Variants in FKBP5 observed in about 807,000 individuals in gnomAD.
FKBP5 encodes peptidyl-prolyl cis-trans isomerase FKBP5.
A neutral mutation model predicts 50.5 loss-of-function variants in FKBP5; 23 were observed. That is an observed-to-expected ratio of 0.46 (90% CI 0.33 to 0.65). The LOEUF is 0.65. Among genes scored for constraint, FKBP5 ranks in the 30% least tolerant of loss-of-function variants. FKBP5 has a pLI of 0.02. For synonymous variants in FKBP5, 176 were observed against 190.6 expected (o/e 0.92, Z 0.63); for missense variants, 411 against 553.1 (o/e 0.74, Z 2.58).
At chr6:35,593,773 G>A (rs148036652) in intron 6 of FKBP5, among the ~76,000 whole-genome samples, 1,887 of 151,534 alleles carry the variant, frequency 0.012, 33 homozygotes, top group African/African-American at 0.038. Context: ...CAGGCTGGTC[G>A]CGAACTCCTG....
At chr6:35,632,225 T>C (rs1764182117) in intron 3 of FKBP5, among the ~76,000 whole-genome samples, 1 of 152,236 alleles carries the variant, frequency 6.6e-6, no homozygotes, top group Non-Finnish European at 1.5e-5. Flanking sequence ...TTCTGTAACA[T>C]ATTCCACAGT....
At chr6:35,606,704 A>C (rs1763333557) in intron 5 of FKBP5, among the ~76,000 whole-genome samples, 1 of 150,202 alleles carries the variant, frequency 6.7e-6, no homozygotes, top group African/African-American at 2.4e-5. Flanking sequence ...AAAGTCAAAA[A>C]AGAACAGATG....
intron 2 of FKBP5, among the ~76,000 whole-genome samples, chr6:35,710,303 C>T (rs146433130): frequency 6.6e-6 from 1 of 152,126 alleles, no homozygotes; most frequent in East Asian, 1.9e-4. Context: ...ACATAGGAAA[C>T]CCAGTCTCTA....
intron 2 of FKBP5, among the ~76,000 whole-genome samples, chr6:35,710,502 A>G (rs528911398): frequency 1.3e-5 from 2 of 152,162 alleles, no homozygotes; most frequent in Non-Finnish European, 2.9e-5. Context: ...AAAGCCAATG[A>G]TACCAAGAGC....
chr6:35,690,144 C>T (rs1255872770), upstream of FKBP5, among the ~76,000 whole-genome samples: 1 of 152,212 alleles, frequency 6.6e-6, no homozygotes, highest in African/African-American at 2.4e-5. Context: ...TGAAGAGCCT[C>T]GTCCAGAAAT....
chr6:35,619,812 C>T (rs1763776768), intron 4 of FKBP5, among the ~76,000 whole-genome samples: 2 of 152,112 alleles, frequency 1.3e-5, no homozygotes, highest in Admixed American at 1.3e-4. Context: ...CAACATTTAT[C>T]GCCAACATTT....
rs1481567340 is a variant in FKBP5 at position 35,674,068 on chromosome 6, C to CT, written c.-20+14735dup. On this transcript the variant is annotated intron_variant, in intron 1 of 10. Transcript: ENST00000357266. ...CTCTCTGGTCCTTTCCACCTTATGG[C>CT]TTGATGATTTAGGATCTAGACTGGG... Among the ~76,000 whole-genome samples the CT allele has an allele frequency of 8.5e-5, 13 of 152,216 alleles. No individual in the cohort carries two copies. The South Asian group carries it at 2.7e-3, about 32-fold the overall frequency.
intron 8 of FKBP5, chr6:35,582,117 C>A: frequency 2.0e-6 from 2 of 985,336 alleles, no homozygotes; most frequent in Non-Finnish European, 2.4e-6. Context: ...GAATGAGGGC[C>A]AGGCTACATC....
At chr6:35,709,201 G>A (rs1766373158) in intron 2 of FKBP5, among the ~76,000 whole-genome samples, 1 of 152,164 alleles carries the variant, frequency 6.6e-6, no homozygotes, top group African/African-American at 2.4e-5. Flanking sequence ...ATTGGCAGGC[G>A]AAGAGTGCTT....
intron 6 of FKBP5, among the ~76,000 whole-genome samples, chr6:35,593,697 G>A (rs776996522): frequency 1.3e-4 from 20 of 152,090 alleles, no homozygotes; most frequent in Non-Finnish European, 1.5e-5. Context: ...CGGAATTACA[G>A]GCATGCACCA....
At chr6:35,645,446 AAGAG>A (rs1207978272) in intron 1 of FKBP5, among the ~76,000 whole-genome samples, 1 of 152,146 alleles carries the variant, frequency 6.6e-6, no homozygotes, top group Non-Finnish European at 1.5e-5. Flanking sequence ...AAGATAAAAA[AAGAG>A]AGAGAAAGAG....
rs527906930 is a variant in FKBP5 at position 35,706,332 on chromosome 6, G to A, written c.-20+13996C>T. The stretch of plus-strand genomic sequence containing the variant: ...CCAGCTAATCCGGAGGCTGAGGCAG[G>A]AGAATCACTTGAACCTAGGAGGCGG... On this transcript the variant is annotated intron_variant, in intron 2 of 11. Coordinates refer to the FKBP5 transcript ENST00000536438. Among the ~76,000 whole-genome samples the A allele has an allele frequency of 5.3e-5, 8 of 150,622 alleles. No homozygotes were observed. In the South Asian group the frequency reaches 1.7e-3, roughly 31 times the overall value.
At chr6:35,653,106 A>G (rs1204202285) in intron 1 of FKBP5, among the ~76,000 whole-genome samples, 1 of 152,194 alleles carries the variant, frequency 6.6e-6, no homozygotes, top group South Asian at 2.1e-4. Context: ...CAAGCCTGCA[A>G]TCCCCACACC....
Position 35,620,157 on chromosome 6 carries a change from G to A in FKBP5, c.368C>T (p.Pro123Leu). The A allele has an allele frequency of 6.2e-7, 1 of 1,614,066 alleles. No homozygotes were observed. Among genetic ancestry groups the A allele is most frequent in the Non-Finnish European group, 8.5e-7 (1 of 1,179,996 alleles). ...YGSAGSLPKI[P>L]SNATLFFEIE... ...CTCAAAAAAGAGAGTTGCATTCGAG[G>A]GAATTTTAGGGAGACTGCCAGCCGA... Residue 123 changes from proline (P) to leucine (L), a missense_variant, in exon 4 of 11, where the codon CCC (proline) becomes CTC (leucine). Transcript: ENST00000357266.
chr6:35,686,142 A>G (rs1470019146), intron 1 of FKBP5, among the ~76,000 whole-genome samples: 1 of 152,144 alleles, frequency 6.6e-6, no homozygotes, highest in African/African-American at 2.4e-5. Context: ...GTTATACCTG[A>G]GGGTAAATGG....
At chr6:35,617,617 G>T (rs917152181) in intron 5 of FKBP5, among the ~76,000 whole-genome samples, 25 of 152,120 alleles carry the variant, frequency 1.6e-4, no homozygotes, top group African/African-American at 5.8e-4. Flanking sequence ...CTCTTTTGAA[G>T]GATTTCAGCT....
At chr6:35,586,999 T>C (rs1415004692) in intron 8 of FKBP5, 35 bp downstream of exon 8, 1 of 1,613,582 alleles carries the variant, frequency 6.2e-7, no homozygotes, top group East Asian at 2.2e-5. Context: ...AATAAATTCT[T>C]TGAGATGGAA....
intron 3 of FKBP5, among the ~76,000 whole-genome samples, chr6:35,631,987 A>G (rs1408005924): frequency 6.6e-6 from 1 of 151,548 alleles, no homozygotes; most frequent in Non-Finnish European, 1.5e-5. Context: ...GGTAGAAATA[A>G]TTCTTTCATC....
chr6:35,606,159 T>C (rs1763307129), intron 5 of FKBP5, among the ~76,000 whole-genome samples: 1 of 152,156 alleles, frequency 6.6e-6, no homozygotes, highest in South Asian at 2.1e-4. Flanking sequence ...TTGCAAATTA[T>C]GCATCTGACA....
Sources: gnomAD v4.1 joint callset for allele counts (sites outside exome capture counted in the v4.1 genomes callset) on GRCh38, gnomAD v4.1.1 for gene constraint, MANE v1.5 for transcripts, NCBI Gene and HGNC (gene_info 2026-07-23, HGNC 2026-07-21) for gene names.